Variants in CPNE5 observed in about 807,000 individuals in gnomAD.
CPNE5 encodes copine-5.
Under a neutral mutation model 81.1 loss-of-function variants are expected in CPNE5, and 42 were observed. The observed-to-expected ratio is 0.52, with a 90% confidence interval of 0.40 to 0.67. CPNE5 has a LOEUF of 0.67. Among genes scored for constraint, CPNE5 ranks in the 30% least tolerant of loss-of-function variants. The pLI, the probability that CPNE5 is intolerant of heterozygous loss-of-function variation, is 0.00. For missense variants in CPNE5, 612 were observed against 815.5 expected (o/e 0.75, Z 3.04); for synonymous variants, 313 against 321.5 (o/e 0.97, Z 0.28).
At chr6:36,780,264 C>A (rs948179021) in intron 8 of CPNE5, among the ~76,000 whole-genome samples, 4 of 152,284 alleles carry the variant, frequency 2.6e-5, no homozygotes, top group Middle Eastern at 3.4e-3. Context: ...CACCTGGCCC[C>A]CCCTTCCTCT....
At chr6:36,820,350 T>C (rs1043593283) in intron 3 of CPNE5, among the ~76,000 whole-genome samples, 1 of 140,440 alleles carries the variant, frequency 7.1e-6, no homozygotes, top group Non-Finnish European at 1.5e-5. Flanking sequence ...TTTTTTTTTT[T>C]TTTTTTTTTG....
intron 8 of CPNE5, among the ~76,000 whole-genome samples, chr6:36,784,249 G>T (rs1768316204): frequency 6.6e-6 from 1 of 152,222 alleles, no homozygotes; most frequent in African/African-American, 2.4e-5. Context: ...TTTGCCAAAA[G>T]TCCACTGTGA....
At chr6:36,800,096 C>T (rs566358353) in intron 3 of CPNE5, 26 bp from the exon 4 acceptor site, 2 of 1,579,036 alleles carry the variant, frequency 1.3e-6, no homozygotes, top group Non-Finnish European at 1.7e-6. Context: ...GAGGGTGAAC[C>T]TCAGGGCCGG....
chr6:36,748,104 C>G (rs1427140617), intron 15 of CPNE5, 117 bp downstream of exon 15: 11 of 938,182 alleles, frequency 1.2e-5, no homozygotes, highest in East Asian at 4.8e-5. Context: ...GGTACATCCT[C>G]TTTGGTGAGG....
At position 36,742,355 on chromosome 6, in the gene CPNE5, C is replaced by T. The variant is rs144328823; in HGVS notation, c.1695G>A (p.Pro565=). The stretch of plus-strand genomic sequence containing the variant: ...GGGTTGGTGCTGCGGGTGGGGGACG[C>T]GGGCGAATGCCCTGTGCCTTCATGT... ...VSYMKAQGIR[P]RPPPAAPTHS... The change falls in exon 21 of 21, where the codon CCG becomes CCA. Residue 565 remains proline, a synonymous_variant. Coordinates refer to ENST00000244751, the MANE Select transcript of CPNE5 (RefSeq NM_020939.2). 4.5e-5 allele frequency: 73 copies of T among 1,613,190 alleles called. No individual in the cohort carries two copies. The East Asian group carries it at 9.6e-4, about 21-fold the overall frequency.
intron 10 of CPNE5, among the ~76,000 whole-genome samples, chr6:36,772,765 G>A (rs1406106109): frequency 6.6e-6 from 1 of 152,210 alleles, no homozygotes; most frequent in Non-Finnish European, 1.5e-5. Context: ...TTCATCTGCT[G>A]ATCATCCCCT....
rs190342505 is a variant in CPNE5, at chr6:36,819,168, T to C, written c.183+2946A>G. Among the ~76,000 whole-genome samples, 222 of 152,322 alleles carry C rather than the reference T, an allele frequency of 1.5e-3. 1 individual carries two copies. The highest frequency in any genetic ancestry group is 4.8e-3 in the African/African-American group (201 of 41,566). ...ACCAGGCTGGAGTGCAGTGGCACGA[T>C]CTCAGCTCACTGCAACCTCCACCTC... On this transcript the variant is annotated intron_variant, in intron 3 of 20. Transcript: ENST00000244751.
chr6:36,781,210 C>T (rs113949600), intron 8 of CPNE5, among the ~76,000 whole-genome samples: 154 of 152,202 alleles, frequency 1.0e-3, no homozygotes, highest in African/African-American at 3.5e-3. Flanking sequence ...CTCTCATCAT[C>T]GCCCACCAGA....
chr6:36,784,445 C>T (rs763100286), intron 8 of CPNE5, among the ~76,000 whole-genome samples: 7 of 152,218 alleles, frequency 4.6e-5, no homozygotes, highest in Admixed American at 6.5e-5. Flanking sequence ...CTCTGCCTTT[C>T]GTCAACAGTC....
intron 19 of CPNE5, 41 bp from the exon 20 acceptor site, chr6:36,743,803 G>A (rs1324529985): frequency 1.3e-6 from 2 of 1,542,906 alleles, no homozygotes; most frequent in Non-Finnish European, 1.8e-6. Context: ...TGAGATTAAC[G>A]GTGGACCCCT....
chr6:36,810,999 G>A (rs1003696939), intron 3 of CPNE5, among the ~76,000 whole-genome samples: 1 of 152,196 alleles, frequency 6.6e-6, no homozygotes, highest in Admixed American at 6.5e-5. Flanking sequence ...ACCAAGCTTA[G>A]AATGAAAGAC....
rs762608907 is a variant in CPNE5 at position 36,823,109 on chromosome 6, G to T, written c.96-11C>A. The T allele has an allele frequency of 1.3e-6, 2 of 1,561,162 alleles. No homozygotes were observed. On this transcript the variant is annotated splice_polypyrimidine_tract_variant and intron_variant, in intron 1 of 20. Transcript: ENST00000244751. ...TTGTCCAGGAGGTTCCTGAAAGAGG[G>T]GGAGAGAGGAGGGGTTAGCACGGCC... is the stretch of plus-strand genomic sequence containing the variant.
At chr6:36,771,858 C>T (rs954988239) in intron 10 of CPNE5, among the ~76,000 whole-genome samples, 2 of 152,096 alleles carry the variant, frequency 1.3e-5, no homozygotes, top group Non-Finnish European at 2.9e-5. Flanking sequence ...CCTGATCGTT[C>T]TTGGAGCCAG....
intron 16 of CPNE5, 105 bp from the exon 17 acceptor site, chr6:36,745,620 C>T (rs1042396237): frequency 7.5e-7 from 1 of 1,328,234 alleles, no homozygotes; most frequent in East Asian, 2.5e-5. Context: ...CTGGGCTCCC[C>T]CAGGTCTTCT....
intron 1 of CPNE5, chr6:36,838,768 T>TCA (rs1482881681): frequency 1.0e-6 from 1 of 984,288 alleles, no homozygotes; most frequent in African/African-American, 1.7e-5. Context: ...AAGGAAGGCT[T>TCA]TAAAATCCTA....
chr6:36,783,685 A>C (rs951387785), intron 8 of CPNE5, among the ~76,000 whole-genome samples: 6 of 151,830 alleles, frequency 4.0e-5, no homozygotes, highest in African/African-American at 1.5e-4. Context: ...TAGATTTTTA[A>C]ATTTTTTTTG....
At chr6:36,763,539 G>A (rs1766257487) in intron 11 of CPNE5, among the ~76,000 whole-genome samples, 1 of 149,878 alleles carries the variant, frequency 6.7e-6, no homozygotes, top group Admixed American at 6.7e-5. Context: ...GGAGGTGGAG[G>A]TTGCTGTGAG....
chr6:36,799,871 T>C, intron 4 of CPNE5, 96 bp downstream of exon 4: 1 of 897,376 alleles, frequency 1.1e-6, no homozygotes, highest in Admixed American at 2.0e-5. Context: ...CTCCCACTAA[T>C]TTCTCAGCTC....
chr6:36,745,223 T>C lies in CPNE5; in HGVS notation c.1329-73A>G, dbSNP rs1764012421. ...CATGTTCCCCCCTAAACAAGGACCC[T>C]GAACACTTTGGAGGGTGACAGCTCT... On this transcript the variant is annotated intron_variant, in intron 17 of 20. Coordinates refer to ENST00000244751, the MANE Select transcript of CPNE5 (RefSeq NM_020939.2). 6.8e-6 allele frequency: 10 copies of C among 1,461,760 alleles called. No individual in the cohort carries two copies. The South Asian group carries it at 9.3e-5, about 14-fold the overall frequency. The allele number at this position is 1,461,760 out of a possible 1,614,324, so 90.5% of individuals were successfully genotyped here. A position where few individuals can be genotyped will look rare whatever the true frequency, so the allele number is the denominator to read the frequency against.
Sources: gnomAD v4.1 joint callset for allele counts (sites outside exome capture counted in the v4.1 genomes callset) on GRCh38, gnomAD v4.1.1 for gene constraint, MANE v1.5 for transcripts, NCBI Gene and HGNC (gene_info 2026-07-23, HGNC 2026-07-21) for gene names.